ISX: variants seen among roughly 807,000 people sequenced by gnomAD.
ISX encodes intestine specific homeobox.
In ISX, 15 loss-of-function variants were observed where a neutral mutation model predicts 16.9. The observed-to-expected ratio is 0.89, with a 90% CI of 0.59 to 1.36. ISX has a LOEUF of 1.36. ISX is among the 40% of genes most tolerant of loss of function. The pLI is 0.00. For synonymous variants in ISX, 125 were observed against 119.7 expected (o/e 1.04, Z -0.29); for missense variants, 316 against 306.1 (o/e 1.03, Z -0.24).
chr22:35,079,611 A>G (rs1377340736), intron 2 of ISX, among the ~76,000 whole-genome samples: 3 of 152,108 alleles, frequency 2.0e-5, no homozygotes, highest in Non-Finnish European at 4.4e-5. Context: ...TCTGAGCATG[A>G]GTGTAAGTGA....
chr22:35,073,738 G>A (rs1928913613), intron 2 of ISX, among the ~76,000 whole-genome samples: 1 of 152,202 alleles, frequency 6.6e-6, no homozygotes, highest in Non-Finnish European at 1.5e-5. Context: ...ATGGACAAGG[G>A]CCTGTTAATA....
Position 35,085,761 on chromosome 22 carries a change from C to G in ISX, c.*68C>G, listed in dbSNP as rs1245343186. ...GGTGAAGGCAGGTAGCAGATGTGCC[C>G]TGGGCCTCTGGGGAAATCGATTTCA... On this transcript the variant is annotated 3_prime_UTR_variant, in exon 5 of 5. Coordinates refer to ENST00000404699, the MANE Select transcript of ISX (RefSeq NM_001303508.2). 1.3e-6 allele frequency: 2 copies of G among 1,595,678 alleles called. No homozygotes were observed. Among genetic ancestry groups the G allele is most frequent in the Non-Finnish European group, 1.7e-6 (2 of 1,165,846 alleles).
rs1569113844 is a variant in ISX, at chr22:35,082,662, GGGT to G, written c.376_378del (p.Val126del). 5 of 1,613,930 alleles carry G rather than the reference GGGT, an allele frequency of 3.1e-6. No homozygotes were observed. Among genetic ancestry groups the G allele is most frequent in the Non-Finnish European group, 4.2e-6 (5 of 1,180,026 alleles). On this transcript the variant is annotated inframe_deletion, in exon 3 of 5. Coordinates refer to ENST00000404699, the MANE Select transcript of ISX (RefSeq NM_001303508.2). ...GCCAGGATCAACCTCCCAGAAGCTC[GGGT>G]GCAGGTACAGCCATCCCTACCTCAG... is the stretch of plus-strand genomic sequence containing the variant.
chr22:35,068,959 T>A (rs1928777323), intron 2 of ISX, among the ~76,000 whole-genome samples: 1 of 152,200 alleles, frequency 6.6e-6, no homozygotes, highest in African/African-American at 2.4e-5. Flanking sequence ...TTAGACCATC[T>A]ACTCTAGATT....
chr22:35,084,250 TC>T lies in ISX; in HGVS notation c.382-131del. 1.0e-5 allele frequency: 6 copies of T among 600,212 alleles called. No individual in the cohort carries two copies. The South Asian group carries it at 1.5e-4, about 15-fold the overall frequency. The allele number at this position is 600,212 out of a possible 1,614,324, so 37.2% of individuals were successfully genotyped here. A position where few individuals can be genotyped will look rare whatever the true frequency, so the allele number is the denominator to read the frequency against. ...AAGCTGACCTCCAGATCCAAAGACA[TC>T]CTGGATGCCACAGAGCTTTACAAAC... is the stretch of plus-strand genomic sequence containing the variant. On this transcript the variant is annotated intron_variant, in intron 3 of 4. Transcript: ENST00000404699.
At chr22:35,072,191 C>A (rs1267882187) in intron 2 of ISX, among the ~76,000 whole-genome samples, 3 of 152,216 alleles carry the variant, frequency 2.0e-5, no homozygotes, top group Admixed American at 1.3e-4. Flanking sequence ...TACCTGGAGA[C>A]TGGTTCTAGA....
chr22:35,074,485 TGTTGCTAAAGAG>T (rs1479016202), intron 2 of ISX, among the ~76,000 whole-genome samples: 1 of 152,236 alleles, frequency 6.6e-6, no homozygotes, highest in African/African-American at 2.4e-5. Context: ...ATCAGTAGTG[TGTTGCTAAAGAG>T]GTTTCCTCCC....
intron 2 of ISX, among the ~76,000 whole-genome samples, chr22:35,078,990 T>G (rs949234746): frequency 3.3e-5 from 5 of 152,172 alleles, no homozygotes; most frequent in Non-Finnish European, 5.9e-5. Flanking sequence ...AGATAATGAA[T>G]CCAGAATGTG....
chr22:35,077,043 C>A (rs868350916), intron 2 of ISX, among the ~76,000 whole-genome samples: 3 of 152,126 alleles, frequency 2.0e-5, no homozygotes, highest in Admixed American at 2.0e-4. Flanking sequence ...GGATGGGAAC[C>A]CAAGGGTTTT....
At chr22:35,072,641 AG>A (rs942940444) in intron 2 of ISX, among the ~76,000 whole-genome samples, 163 of 152,322 alleles carry the variant, frequency 1.1e-3, no homozygotes, top group African/African-American at 3.8e-3. Flanking sequence ...AAATGGGCAG[AG>A]GAGGAGGCTT....
intron 2 of ISX, among the ~76,000 whole-genome samples, chr22:35,071,533 T>C (rs1358896924): frequency 1.3e-5 from 2 of 152,188 alleles, no homozygotes; most frequent in African/African-American, 4.8e-5. Flanking sequence ...CCTTGCCGTG[T>C]GTGTTTGTGT....
rs570030565 is a variant in ISX at position 35,082,662 on chromosome 22, G to A, written c.374G>A (p.Arg125Gln). The stretch of plus-strand genomic sequence containing the variant: ...GCCAGGATCAACCTCCCAGAAGCTC[G>A]GGTGCAGGTACAGCCATCCCTACCT... ...LAARINLPEA[R>Q]VQIWFQNQRA... The change falls in exon 3 of 5, where the codon CGG becomes CAG. Residue 125 changes from arginine to glutamine, a missense_variant. Transcript: ENST00000404699. The A allele has an allele frequency of 8.4e-5, 136 of 1,613,930 alleles. No individual in the cohort carries two copies. The Admixed American group carries it at 1.4e-3, about 17-fold the overall frequency.
At chr22:35,068,401 G>C (rs375604006) in intron 2 of ISX, among the ~76,000 whole-genome samples, 1 of 152,222 alleles carries the variant, frequency 6.6e-6, no homozygotes, top group South Asian at 2.1e-4. Context: ...AGGAAGACCA[G>C]GAGGGCTGTG....
chr22:35,086,127 G>A lies in ISX; in HGVS notation c.*434G>A, dbSNP rs535317957. ...GAGGCACAGAGGAGGCCAAGGAGAG[G>A]TTGTTTGTTCATGCATGCATTCATC... On this transcript the variant is annotated 3_prime_UTR_variant, in exon 5 of 5. Transcript: ENST00000404699. The A allele has an allele frequency of 3.4e-4, 91 of 264,612 alleles. No homozygotes were observed. Among genetic ancestry groups the A allele is most frequent in the African/African-American group, 1.9e-3 (85 of 45,372 alleles). 16.4% of individuals were successfully genotyped at this position (264,612 alleles called of 1,614,324 possible). A position where few individuals can be genotyped will look rare whatever the true frequency, so the allele number is the denominator to read the frequency against.
chr22:35,079,940 G>T (rs1481860763), intron 2 of ISX, among the ~76,000 whole-genome samples: 1 of 152,200 alleles, frequency 6.6e-6, no homozygotes, highest in East Asian at 1.9e-4. Context: ...GCTCCAACCA[G>T]GAGCTACAGG....
intron 2 of ISX, among the ~76,000 whole-genome samples, chr22:35,079,056 C>T (rs761600573): frequency 6.6e-6 from 1 of 152,186 alleles, no homozygotes; most frequent in Admixed American, 6.5e-5. Flanking sequence ...ATGTCCAGCT[C>T]ACTGGATTTT....
chr22:35,067,789 C>G (rs2146286169), intron 2 of ISX, among the ~76,000 whole-genome samples: 1 of 152,336 alleles, frequency 6.6e-6, no homozygotes, highest in Middle Eastern at 3.4e-3. Flanking sequence ...GGGCCCAGCA[C>G]AGTCTCCTCC....
intron 2 of ISX, among the ~76,000 whole-genome samples, chr22:35,079,278 T>C (rs189310296): frequency 6.6e-6 from 1 of 152,292 alleles, no homozygotes; most frequent in African/African-American, 2.4e-5. Flanking sequence ...GAGCTCAGAC[T>C]CCCACCCCTC....
At position 35,067,601 on chromosome 22, in the gene ISX, T is replaced by C. The variant is rs977653067; in HGVS notation, c.229+285T>C. ...AATGCTAGTTACCATTTATTCAGCA[T>C]TGACAATGTCATAGGCATTCTCTTT... is the stretch of plus-strand genomic sequence containing the variant. On this transcript the variant is annotated intron_variant, in intron 2 of 4. Coordinates refer to ENST00000404699, the MANE Select transcript of ISX (RefSeq NM_001303508.2). 4.6e-5 allele frequency among the ~76,000 whole-genome samples: 7 copies of C among 152,226 alleles called. No homozygotes were observed. In the East Asian group the frequency reaches 1.2e-3, roughly 25 times the overall value.
Sources: allele counts gnomAD v4.1 joint callset (sites outside exome capture counted in the v4.1 genomes callset), GRCh38; gene constraint gnomAD v4.1.1; transcripts MANE v1.5; gene names NCBI Gene and HGNC (gene_info 2026-07-23, HGNC 2026-07-21).